Variants in TCF7L1 observed in about 807,000 individuals in gnomAD.
TCF7L1 encodes the protein transcription factor 7 like 1.
TCF7L1 carries 18 observed loss-of-function variants against 63.7 expected under a neutral mutation model. The ratio of observed to expected loss-of-function variants is 0.28; its 90% CI spans 0.20 to 0.42. The LOEUF (loss-of-function observed/expected upper bound fraction) is 0.42. Among genes scored for constraint, TCF7L1 ranks in the 10% least tolerant of loss-of-function variants. TCF7L1 has a pLI of 1.00. For synonymous variants in TCF7L1, 355 were observed against 340.9 expected (o/e 1.04, Z -0.46); for missense variants, 654 against 779.3 (o/e 0.84, Z 1.91).
chr2:85,193,965 G>GT (rs201520375), intron 3 of TCF7L1, among the ~76,000 whole-genome samples: 7 of 149,136 alleles, frequency 4.7e-5, no homozygotes, highest in African/African-American at 1.5e-4. Flanking sequence ...GTATTTAAAA[G>GT]TTTAAAAAAA....
chr2:85,221,757 TG>T (rs945622344), intron 3 of TCF7L1, among the ~76,000 whole-genome samples: 5 of 152,150 alleles, frequency 3.3e-5, no homozygotes. Flanking sequence ...ACATGAACTT[TG>T]GGGGACATAT....
At chr2:85,146,463 C>G (rs902880100) in intron 3 of TCF7L1, among the ~76,000 whole-genome samples, 3 of 148,032 alleles carry the variant, frequency 2.0e-5, no homozygotes, top group Non-Finnish European at 4.5e-5. Context: ...AGCATATATT[C>G]TTTTCAGTGG....
intron 4 of TCF7L1, among the ~76,000 whole-genome samples, chr2:85,299,116 A>C (rs1443629241): frequency 6.6e-6 from 1 of 151,492 alleles, no homozygotes; most frequent in African/African-American, 2.4e-5. Context: ...CACCAACCTA[A>C]TACTTAATTC....
At chr2:85,203,024 A>G (rs564268870) in intron 3 of TCF7L1, among the ~76,000 whole-genome samples, 1 of 152,040 alleles carries the variant, frequency 6.6e-6, no homozygotes, top group South Asian at 2.1e-4. Context: ...TTTGGTAGAG[A>G]CGGGGTTTCA....
chr2:85,212,016 G>A (rs530704723), intron 3 of TCF7L1, among the ~76,000 whole-genome samples: 1 of 149,712 alleles, frequency 6.7e-6, no homozygotes, highest in Non-Finnish European at 1.5e-5. Context: ...CTTGAACCTG[G>A]GAGGCAGAGG....
chr2:85,180,077 A>C (rs1200812638), intron 3 of TCF7L1, among the ~76,000 whole-genome samples: 1 of 151,908 alleles, frequency 6.6e-6, no homozygotes, highest in Non-Finnish European at 1.5e-5. Flanking sequence ...GAACAGCTGC[A>C]AGGACTGTTG....
At chr2:85,236,487 G>T (rs907288970) in intron 3 of TCF7L1, among the ~76,000 whole-genome samples, 2 of 152,142 alleles carry the variant, frequency 1.3e-5, no homozygotes, top group African/African-American at 2.4e-5. Context: ...GGATGCAATT[G>T]TGTGAACCCC....
At position 85,309,541 on chromosome 2, in the gene TCF7L1, A is replaced by G; in HGVS notation, c.*79A>G. On this transcript the variant is annotated 3_prime_UTR_variant, in exon 12 of 12. Transcript: ENST00000282111. ...AGAAGAAAAAGAAAAAGGAGACTTT[A>G]TTGGTCAATATTTGACCACTCTGGA... The G allele has an allele frequency of 6.9e-7, 1 of 1,445,614 alleles. No individual in the cohort carries two copies. The highest frequency in any genetic ancestry group is 2.3e-5 in the East Asian group (1 of 42,742). 89.5% of individuals were successfully genotyped at this position (1,445,614 alleles called of 1,614,324 possible). A position where few individuals can be genotyped will look rare whatever the true frequency, so the allele number is the denominator to read the frequency against.
intron 3 of TCF7L1, among the ~76,000 whole-genome samples, chr2:85,160,033 C>T (rs533033696): frequency 4.6e-5 from 7 of 152,334 alleles, no homozygotes; most frequent in Admixed American, 3.9e-4. Context: ...GCTTTTCTCA[C>T]TCTACCTAAA....
intron 3 of TCF7L1, among the ~76,000 whole-genome samples, chr2:85,277,925 C>T (rs552725729): frequency 6.6e-6 from 1 of 152,108 alleles, no homozygotes; most frequent in Non-Finnish European, 1.5e-5. Flanking sequence ...AGGGTGAGGA[C>T]GGCTGGGGCG....
intron 5 of TCF7L1, 138 bp from the exon 6 acceptor site, chr2:85,303,755 CAG>C: frequency 3.3e-6 from 2 of 610,850 alleles, no homozygotes; most frequent in Non-Finnish European, 5.8e-6. Context: ...AGGGAGTTGA[CAG>C]AGGGCAAGGA....
intron 3 of TCF7L1, among the ~76,000 whole-genome samples, chr2:85,150,572 CAGA>C (rs1677985655): frequency 6.6e-6 from 1 of 150,446 alleles, no homozygotes; most frequent in South Asian, 2.1e-4. Flanking sequence ...ATTTATTTTG[CAGA>C]AGAACCTTGA....
chr2:85,195,735 TG>T (rs1679140558), intron 3 of TCF7L1, among the ~76,000 whole-genome samples: 1 of 151,958 alleles, frequency 6.6e-6, no homozygotes, highest in Non-Finnish European at 1.5e-5. Flanking sequence ...TTTGTAGAGA[TG>T]GGGTCTCGCC....
intron 3 of TCF7L1, among the ~76,000 whole-genome samples, chr2:85,275,246 G>T (rs1185977617): frequency 6.6e-6 from 1 of 152,208 alleles, no homozygotes; most frequent in Non-Finnish European, 1.5e-5. Flanking sequence ...AGTCCAGAAA[G>T]GTTAGAAAGA....
intron 3 of TCF7L1, among the ~76,000 whole-genome samples, chr2:85,225,662 T>G (rs1253132826): frequency 6.6e-6 from 1 of 152,224 alleles, no homozygotes; most frequent in East Asian, 1.9e-4. Flanking sequence ...GCTTATTAGC[T>G]TAAGGAGATT....
chr2:85,302,107 G>T (rs1490078126), intron 4 of TCF7L1, among the ~76,000 whole-genome samples: 1 of 151,914 alleles, frequency 6.6e-6, no homozygotes, highest in African/African-American at 2.4e-5. Flanking sequence ...CAGCCTGGGT[G>T]ACAGAGCAAG....
chr2:85,297,994 G>C (rs999295332), intron 4 of TCF7L1, among the ~76,000 whole-genome samples: 2 of 150,590 alleles, frequency 1.3e-5, no homozygotes, highest in Non-Finnish European at 3.0e-5. Flanking sequence ...GTCTCCCTCT[G>C]TCGCTCAGGA....
intron 4 of TCF7L1, among the ~76,000 whole-genome samples, chr2:85,298,891 TC>T (rs879746491): frequency 1.3e-5 from 2 of 152,014 alleles, no homozygotes; most frequent in Non-Finnish European, 2.9e-5. Flanking sequence ...AGGAGAACCT[TC>T]CTTCTAGGAG....
chr2:85,271,918 G>A (rs547333591), intron 3 of TCF7L1, among the ~76,000 whole-genome samples: 11 of 152,212 alleles, frequency 7.2e-5, no homozygotes, highest in Non-Finnish European at 1.6e-4. Context: ...GAGCACTGAT[G>A]ACTCAATGGA....
Sources: gnomAD v4.1 joint callset for allele counts (sites outside exome capture counted in the v4.1 genomes callset) on GRCh38, gnomAD v4.1.1 for gene constraint, MANE v1.5 for transcripts, NCBI Gene and HGNC (gene_info 2026-07-23, HGNC 2026-07-21) for gene names.